TJP1: variants seen among roughly 807,000 people sequenced by gnomAD.
The protein encoded by TJP1 is tight junction protein ZO-1.
In TJP1, 43 loss-of-function variants were observed where a neutral mutation model predicts 194.2. The ratio of observed to expected loss-of-function variants is 0.22; its 90% confidence interval spans 0.17 to 0.29. The LOEUF (loss-of-function observed/expected upper bound fraction) is 0.29. Ranked by LOEUF, TJP1 falls within the 10% of genes least tolerant of loss-of-function variation. The probability of loss-of-function intolerance (pLI) is 1.00; values close to 1 mark genes in which losing one functional copy is unlikely to be tolerated. For synonymous variants in TJP1, 801 were observed against 779.0 expected (o/e 1.03, Z -0.47); for missense variants, 1,971 against 2,185.7 (o/e 0.90, Z 1.96).
intron 2 of TJP1, among the ~76,000 whole-genome samples, chr15:29,786,628 G>T (rs1415524590): frequency 1.3e-5 from 2 of 152,110 alleles, no homozygotes; most frequent in Non-Finnish European, 2.9e-5. Context: ...GCCTCCTGAA[G>T]TAACTGGGAC....
intron 23 of TJP1, 71 bp downstream of exon 23, chr15:29,716,540 T>C: frequency 8.6e-7 from 1 of 1,164,580 alleles, no homozygotes; most frequent in African/African-American, 1.5e-5. Flanking sequence ...TTATTTTTCT[T>C]CAAAATATAT....
Position 29,718,734 on chromosome 15 carries a change from G to A in TJP1, c.3408C>T (p.Ala1136=), listed in dbSNP as rs775478604. The change falls in exon 21 of 28, where the codon GCC becomes GCT. Residue 1136 remains alanine (A), a synonymous_variant. Transcript: ENST00000614355. ...GTGGTCTGCTGTCGTAAGACAGAGG[G>A]GCTGGCTCTTCAAAACGTGGAAAGT... ...RGYFPRFEEP[A]PLSYDSRPRY... is the part of the protein sequence containing the mutation. 20 of 1,613,980 alleles carry A rather than the reference G, an allele frequency of 1.2e-5. No homozygotes were observed. Among genetic ancestry groups the A allele is most frequent in the South Asian group, 7.7e-5 (7 of 91,080 alleles).
intron 8 of TJP1, chr15:29,760,396 G>T (rs187926175): frequency 2.2e-4 from 138 of 616,948 alleles, no homozygotes; most frequent in African/African-American, 2.2e-3. Context: ...TTGTTTTTGA[G>T]AAAGAGTTCC....
intron 2 of TJP1, among the ~76,000 whole-genome samples, chr15:29,916,552 T>C (rs1359347616): frequency 6.6e-6 from 1 of 152,116 alleles, no homozygotes; most frequent in African/African-American, 2.4e-5. Context: ...AAAGCCAAAA[T>C]GGAAACTACC....
intron 2 of TJP1, among the ~76,000 whole-genome samples, chr15:29,885,571 A>C (rs16954790): frequency 0.012 from 1,805 of 152,380 alleles, 31 homozygotes; most frequent in African/African-American, 0.041. Context: ...AGCTTTAAAA[A>C]ACAAAGACAC....
At chr15:29,777,369 T>C (rs925868703) in intron 2 of TJP1, among the ~76,000 whole-genome samples, 2 of 152,146 alleles carry the variant, frequency 1.3e-5, no homozygotes, top group African/African-American at 4.8e-5. Context: ...TACCTTCATA[T>C]TGAATAAAAA....
intron 8 of TJP1, among the ~76,000 whole-genome samples, chr15:29,753,830 A>AC (rs2045464328): frequency 6.6e-6 from 1 of 152,026 alleles, no homozygotes; most frequent in Non-Finnish European, 1.5e-5. Flanking sequence ...CAGAAAAAAA[A>AC]AAAAAAAACA....
intron 2 of TJP1, among the ~76,000 whole-genome samples, chr15:29,866,552 T>C (rs1215528259): frequency 6.6e-6 from 1 of 152,172 alleles, no homozygotes; most frequent in African/African-American, 2.4e-5. Context: ...CCACACAGTA[T>C]GTCATGTGGA....
At chr15:29,898,176 T>C (rs1333969645) in intron 2 of TJP1, among the ~76,000 whole-genome samples, 4 of 152,140 alleles carry the variant, frequency 2.6e-5, no homozygotes, top group Non-Finnish European at 5.9e-5. Flanking sequence ...GATTGAATGA[T>C]GGGGGTGGGT....
chr15:29,793,761 G>T (rs2048240278), intron 2 of TJP1, among the ~76,000 whole-genome samples: 1 of 152,150 alleles, frequency 6.6e-6, no homozygotes, highest in Non-Finnish European at 1.5e-5. Context: ...CAACACTGGG[G>T]ATTACAATTA....
In TJP1 at chr15:29,822,436, T is replaced by C. The variant is rs1080529; in HGVS notation, c.-408A>G. Reference sequence around the variant, plus strand: ...GGCCGCCAAGGAACGCGGCGTCCGCTGGCTCAGCCGGCGCCGGCAACTCAG... The same window carrying C: ...GGCCGCCAAGGAACGCGGCGTCCGCCGGCTCAGCCGGCGCCGGCAACTCAG... On this transcript the variant is annotated 5_prime_UTR_variant, in exon 1 of 28. Transcript: ENST00000614355. 7,821 of 987,696 alleles carry C rather than the reference T, an allele frequency of 7.9e-3. 37 individuals carry two copies. Among genetic ancestry groups the C allele is most frequent in the Non-Finnish European group, 9.0e-3 (7,458 of 831,674 alleles). The allele number at this position is 987,696 out of a possible 1,614,324, so 61.2% of individuals were successfully genotyped here. A position where few individuals can be genotyped will look rare whatever the true frequency, so the allele number is the denominator to read the frequency against.
At chr15:29,819,406 A>G (rs957717646) in intron 1 of TJP1, among the ~76,000 whole-genome samples, 5 of 152,164 alleles carry the variant, frequency 3.3e-5, no homozygotes, top group African/African-American at 1.2e-4. Context: ...TAGAGATAAT[A>G]GTTCACTTCA....
intron 2 of TJP1, among the ~76,000 whole-genome samples, chr15:29,879,300 G>T (rs528798322): frequency 6.6e-6 from 1 of 152,154 alleles, no homozygotes; most frequent in Non-Finnish European, 1.5e-5. Flanking sequence ...CGGTCTTGAG[G>T]CTGGGAACAG....
At chr15:29,906,230 T>C (rs532152602) in intron 2 of TJP1, among the ~76,000 whole-genome samples, 3 of 152,168 alleles carry the variant, frequency 2.0e-5, no homozygotes, top group African/African-American at 7.2e-5. Flanking sequence ...CCCAGCACTT[T>C]GGGAGGCCGA....
chr15:29,790,092 G>A (rs1355660125), intron 2 of TJP1, among the ~76,000 whole-genome samples: 1 of 152,176 alleles, frequency 6.6e-6, no homozygotes, highest in African/African-American at 2.4e-5. Context: ...AGCCACATTC[G>A]TTTGCCTGTT....
chr15:29,959,091 G>A (rs1204178852), intron 1 of TJP1, among the ~76,000 whole-genome samples: 3 of 151,506 alleles, frequency 2.0e-5, no homozygotes, highest in South Asian at 4.2e-4. Context: ...CTGGGTTCAC[G>A]CCATTCTCCT....
At chr15:29,968,354 CAG>C (rs2056402113) in intron 1 of TJP1, 1 of 985,290 alleles carries the variant, frequency 1.0e-6, no homozygotes, top group African/African-American at 1.7e-5. Context: ...AAAGGACAGA[CAG>C]AGGCGGGAGG....
chr15:29,859,759 G>A (rs900108556), intron 2 of TJP1, among the ~76,000 whole-genome samples: 13 of 152,190 alleles, frequency 8.5e-5, no homozygotes, highest in African/African-American at 2.4e-4. Context: ...AGCTTCTTCC[G>A]AGAATTGTTC....
intron 2 of TJP1, among the ~76,000 whole-genome samples, chr15:29,862,112 C>A (rs911807199): frequency 2.6e-5 from 4 of 152,140 alleles, no homozygotes; most frequent in Non-Finnish European, 5.9e-5. Flanking sequence ...TTAAGAAGCA[C>A]TGAATCCTAG....
Sources: allele counts gnomAD v4.1 joint callset (sites outside exome capture counted in the v4.1 genomes callset), GRCh38; gene constraint gnomAD v4.1.1; transcripts MANE v1.5; gene names NCBI Gene and HGNC (gene_info 2026-07-23, HGNC 2026-07-21).